The following MMP16 variants were observed in gnomAD, a reference collection of about 807,000 sequenced individuals.
MMP16 encodes matrix metalloproteinase-16.
In MMP16, 12 loss-of-function variants were observed where a neutral mutation model predicts 67.8. The observed-to-expected ratio is 0.18, with a 90% CI of 0.11 to 0.29. The LOEUF is 0.29. Among genes scored for constraint, MMP16 ranks in the 10% least tolerant of loss-of-function variants. The pLI, the probability that MMP16 is intolerant of heterozygous loss-of-function variation, is 1.00. For missense variants in MMP16, 475 were observed against 765.7 expected, an observed-to-expected ratio of 0.62 and a Z score of 4.48; for synonymous variants, 249 against 255.9, an observed-to-expected ratio of 0.97 and a Z score of 0.26.
intron 4 of MMP16, among the ~76,000 whole-genome samples, chr8:88,123,474 C>T (rs371213261): frequency 3.3e-5 from 5 of 151,544 alleles, no homozygotes; most frequent in Admixed American, 1.3e-4. Context: ...CTTTGCACTT[C>T]GCTGAAAAGA....
At chr8:88,314,504 C>T (rs1811347593) in intron 1 of MMP16, among the ~76,000 whole-genome samples, 1 of 152,158 alleles carries the variant, frequency 6.6e-6, no homozygotes, top group Non-Finnish European at 1.5e-5. Context: ...GTTGTGAAAT[C>T]AGTTAAGTCA....
intron 6 of MMP16, 34 bp from the exon 7 acceptor site, chr8:88,074,777 A>T (rs1302740120): frequency 1.9e-6 from 3 of 1,598,614 alleles, no homozygotes; most frequent in Non-Finnish European, 2.6e-6. Context: ...CTCAACAAAC[A>T]CGTAGGCCTC....
At position 88,237,681 on chromosome 8, in the gene MMP16, C is replaced by G. The variant is rs200153423; in HGVS notation, c.133-40375G>C. On this transcript the variant is annotated intron_variant, in intron 1 of 9. Coordinates refer to ENST00000286614, the MANE Select transcript of MMP16 (RefSeq NM_005941.5). ...AGAACAACAACAACAACAACAACAA[C>G]AAAAAACAACTGCATCTTGGGTATG... Among the ~76,000 whole-genome samples, 34 of 151,172 alleles carry G rather than the reference C, an allele frequency of 2.2e-4. 1 individual carries two copies. Among genetic ancestry groups the G allele is most frequent in the South Asian group, 2.1e-4 (1 of 4,782 alleles).
chr8:88,315,435 G>A (rs1339644938), intron 1 of MMP16, among the ~76,000 whole-genome samples: 1 of 152,132 alleles, frequency 6.6e-6, no homozygotes, highest in African/African-American at 2.4e-5. Flanking sequence ...AGAACATATT[G>A]TGAGATATGC....
chr8:88,063,483 T>C (rs1051509232), intron 7 of MMP16, among the ~76,000 whole-genome samples: 10 of 78,794 alleles, frequency 1.3e-4, no homozygotes, highest in African/African-American at 2.5e-4. Flanking sequence ...CCTAATAACC[T>C]TTTTTTTTTT....
intron 3 of MMP16, among the ~76,000 whole-genome samples, chr8:88,176,048 G>C (rs1808885082): frequency 6.6e-6 from 1 of 152,080 alleles, no homozygotes; most frequent in South Asian, 2.1e-4. Context: ...CTTTATAGCA[G>C]TATGAAAATG....
intron 7 of MMP16, among the ~76,000 whole-genome samples, chr8:88,065,412 A>G (rs1471596241): frequency 1.3e-5 from 2 of 152,140 alleles, no homozygotes; most frequent in Non-Finnish European, 1.5e-5. Flanking sequence ...AAGTAGAGGT[A>G]TATTAGCAAT....
intron 1 of MMP16, among the ~76,000 whole-genome samples, chr8:88,219,109 T>A (rs143622956): frequency 6.6e-6 from 1 of 151,446 alleles, no homozygotes; most frequent in Admixed American, 6.6e-5. Context: ...AAAAGGTATA[T>A]AGACTATGAT....
At chr8:88,044,116 G>A (rs1220016895) in intron 9 of MMP16, among the ~76,000 whole-genome samples, 1 of 152,192 alleles carries the variant, frequency 6.6e-6, no homozygotes, top group Non-Finnish European at 1.5e-5. Context: ...CCACATATAG[G>A]AGTAGAATTG....
intron 7 of MMP16, among the ~76,000 whole-genome samples, chr8:88,059,931 G>C (rs1460518202): frequency 6.6e-6 from 1 of 151,302 alleles, no homozygotes; most frequent in Admixed American, 6.6e-5. Flanking sequence ...TTAAGAGGAG[G>C]CAGAAATTGA....
intron 4 of MMP16, among the ~76,000 whole-genome samples, chr8:88,139,644 A>G (rs1225475634): frequency 6.6e-6 from 1 of 152,130 alleles, no homozygotes; most frequent in Non-Finnish European, 1.5e-5. Flanking sequence ...CAGAAGAATC[A>G]AAGTTAATAG....
chr8:88,220,432 A>G (rs534814227), intron 1 of MMP16, among the ~76,000 whole-genome samples: 1 of 152,234 alleles, frequency 6.6e-6, no homozygotes, highest in East Asian at 1.9e-4. Flanking sequence ...TCTGCTGATT[A>G]CATCTCCACA....
rs1186855823 is a variant in MMP16, at chr8:88,040,348, T to C, written c.*1113A>G. The C allele has an allele frequency of 6.6e-6, 1 of 152,628 alleles. No homozygotes were observed. The highest frequency in any genetic ancestry group is 1.5e-5 in the Non-Finnish European group (1 of 68,038). 9.5% of individuals were successfully genotyped at this position (152,628 alleles called of 1,614,324 possible). On this transcript the variant is annotated 3_prime_UTR_variant, in exon 10 of 10. Coordinates refer to ENST00000286614, the MANE Select transcript of MMP16 (RefSeq NM_005941.5). ...TATCTGTTTTAAAAACCTGAACTTC[T>C]TGAACTTGTGACTGTTTTTACCATT...
chr8:88,080,233 C>T (rs529899380), intron 6 of MMP16, among the ~76,000 whole-genome samples: 66 of 152,160 alleles, frequency 4.3e-4, no homozygotes, highest in Middle Eastern at 3.4e-3. Flanking sequence ...ATTTTTTTCA[C>T]CAAACTGTCA....
At chr8:88,067,350 A>T (rs914829353) in intron 7 of MMP16, among the ~76,000 whole-genome samples, 12 of 152,230 alleles carry the variant, frequency 7.9e-5, no homozygotes, top group African/African-American at 2.9e-4. Flanking sequence ...TACCTATGTC[A>T]TCAGTATATT....
At chr8:88,106,051 G>GTATATATA (rs34758855) in intron 6 of MMP16, among the ~76,000 whole-genome samples, 2,188 of 145,334 alleles carry the variant, frequency 0.015, 33 homozygotes, top group African/African-American at 0.034. Flanking sequence ...TACACGTTAT[G>GTATATATA]TATATATATA....
At chr8:88,221,241 C>T (rs1022662614) in intron 1 of MMP16, among the ~76,000 whole-genome samples, 1 of 152,078 alleles carries the variant, frequency 6.6e-6, no homozygotes. Context: ...TCTTCAGGCC[C>T]TAATACTTCC....
At chr8:88,116,989 C>G (rs1443097958) in intron 5 of MMP16, among the ~76,000 whole-genome samples, 1 of 151,928 alleles carries the variant, frequency 6.6e-6, no homozygotes, top group Non-Finnish European at 1.5e-5. Context: ...ATAGCTTCAC[C>G]ACAGTTATTT....
chr8:88,115,409 GT>G (rs1809411592), intron 6 of MMP16, among the ~76,000 whole-genome samples: 1 of 151,970 alleles, frequency 6.6e-6, no homozygotes, highest in Non-Finnish European at 1.5e-5. Flanking sequence ...TTGCAGGGCA[GT>G]TATAGAATTC....
Sources: gnomAD v4.1 joint callset for allele counts (sites outside exome capture counted in the v4.1 genomes callset) on GRCh38, gnomAD v4.1.1 for gene constraint, MANE v1.5 for transcripts, NCBI Gene and HGNC (gene_info 2026-07-23, HGNC 2026-07-21) for gene names.